The following THADA variants were observed in gnomAD, a reference collection of about 807,000 sequenced individuals.
THADA encodes THADA armadillo repeat containing.
In THADA, 213 loss-of-function variants were observed where a neutral mutation model predicts 219.8. The observed-to-expected ratio is 0.97, with a 90% CI of 0.87 to 1.09. The LOEUF (loss-of-function observed/expected upper bound fraction) is 1.09, where lower values mean the gene tolerates loss of function less well. THADA is among the 50% of genes least tolerant of loss of function. THADA has a pLI of 0.00. For synonymous variants in THADA, 1,018 were observed against 828.9 expected (o/e 1.23, Z -3.92); for missense variants, 2,956 against 2,311.3 (o/e 1.28, Z -5.72).
intron 36 of THADA, among the ~76,000 whole-genome samples, chr2:43,237,286 T>C (rs1668141729): frequency 6.6e-6 from 1 of 151,954 alleles, no homozygotes; most frequent in Admixed American, 6.6e-5. Flanking sequence ...CTGGGACAAC[T>C]GGATACACAC....
At chr2:43,459,618 C>T (rs1683398237) in intron 26 of THADA, among the ~76,000 whole-genome samples, 1 of 152,148 alleles carries the variant, frequency 6.6e-6, no homozygotes, top group Admixed American at 6.5e-5. Context: ...GAACCTAGTA[C>T]AATGCCTGGG....
At chr2:43,362,012 G>T (rs2104591461) in intron 29 of THADA, among the ~76,000 whole-genome samples, 1 of 152,290 alleles carries the variant, frequency 6.6e-6, no homozygotes, top group Admixed American at 6.5e-5. Context: ...CTTTTGGACT[G>T]CTCTGAGAGA....
chr2:43,547,483 C>T (rs1696182859), intron 20 of THADA, among the ~76,000 whole-genome samples: 2 of 152,214 alleles, frequency 1.3e-5, no homozygotes, highest in African/African-American at 2.4e-5. Flanking sequence ...TTCCATTCTC[C>T]CTGTCACTTT....
Position 43,590,971 on chromosome 2 carries a change from T to A in THADA, c.172-17A>T, listed in dbSNP as rs746437966. The stretch of plus-strand genomic sequence containing the variant: ...AGGCACAATCTATAATACAAAACAT[T>A]GAAGTAATTTTTATAATATCAAATA... On this transcript the variant is annotated splice_polypyrimidine_tract_variant and intron_variant, in intron 3 of 37. Transcript: ENST00000405975. The A allele has an allele frequency of 6.2e-7, 1 of 1,601,118 alleles. No homozygotes were observed.
chr2:43,594,160 C>A (rs1701894344), intron 1 of THADA, among the ~76,000 whole-genome samples: 1 of 152,152 alleles, frequency 6.6e-6, no homozygotes. Flanking sequence ...TCTACACTTA[C>A]CTCCAAAGAG....
chr2:43,245,172 C>CTTCTTCTTTTTTTTTTTTT (rs796699945), intron 36 of THADA, among the ~76,000 whole-genome samples: 1 of 103,144 alleles, frequency 9.7e-6, no homozygotes, highest in African/African-American at 5.0e-5. Context: ...CTTTCTTCTT[C>CTTCTTCTTTTTTTTTTTTT]TTTTTTTTTT....
At chr2:43,542,035 T>C (rs1314068807) in intron 20 of THADA, among the ~76,000 whole-genome samples, 1 of 152,218 alleles carries the variant, frequency 6.6e-6, no homozygotes. Flanking sequence ...TCTTTCAAAA[T>C]ATATTTAATT....
intron 29 of THADA, among the ~76,000 whole-genome samples, chr2:43,355,146 C>CTTA (rs1425595756): frequency 6.6e-6 from 1 of 152,024 alleles, no homozygotes; most frequent in East Asian, 1.9e-4. Context: ...ACACTTAGGC[C>CTTA]TTAGGTTGAT....
At chr2:43,249,838 G>C (rs1037518391) in intron 36 of THADA, among the ~76,000 whole-genome samples, 8 of 152,050 alleles carry the variant, frequency 5.3e-5, no homozygotes, top group African/African-American at 1.7e-4. Flanking sequence ...GCATCTCTGT[G>C]GTGACCATAC....
chr2:43,448,982 C>A (rs922095201), intron 26 of THADA, among the ~76,000 whole-genome samples: 2 of 152,090 alleles, frequency 1.3e-5, no homozygotes, highest in African/African-American at 4.8e-5. Context: ...GGGAACCCAA[C>A]AGGAACTGGC....
At chr2:43,441,871 A>T (rs1375114011) in intron 26 of THADA, among the ~76,000 whole-genome samples, 1 of 152,092 alleles carries the variant, frequency 6.6e-6, no homozygotes, top group Non-Finnish European at 1.5e-5. Flanking sequence ...ATGTGATCGT[A>T]TTTTTTTCAC....
At chr2:43,521,796 G>C (rs903521121) in intron 22 of THADA, among the ~76,000 whole-genome samples, 1 of 152,180 alleles carries the variant, frequency 6.6e-6, no homozygotes, top group Non-Finnish European at 1.5e-5. Context: ...AAAACCCGCA[G>C]ACTAAAATCA....
intron 22 of THADA, among the ~76,000 whole-genome samples, chr2:43,522,016 T>C (rs1183746020): frequency 1.3e-5 from 2 of 152,226 alleles, no homozygotes; most frequent in African/African-American, 4.8e-5. Flanking sequence ...GATTTATTTT[T>C]TCTAACTTAG....
At chr2:43,284,160 C>T (rs1673702680) in intron 35 of THADA, among the ~76,000 whole-genome samples, 1 of 152,082 alleles carries the variant, frequency 6.6e-6, no homozygotes, top group Non-Finnish European at 1.5e-5. Context: ...GCCTGGAAAA[C>T]AAGAGTGAAA....
intron 36 of THADA, among the ~76,000 whole-genome samples, chr2:43,250,027 G>A (rs1000364447): frequency 2.6e-5 from 4 of 152,148 alleles, no homozygotes; most frequent in African/African-American, 7.2e-5. Context: ...GAATTACCAT[G>A]TGACCCACAA....
At chr2:43,336,937 T>G (rs1348317294) in intron 30 of THADA, among the ~76,000 whole-genome samples, 1 of 152,252 alleles carries the variant, frequency 6.6e-6, no homozygotes, top group Non-Finnish European at 1.5e-5. Context: ...GACTTAGCTC[T>G]GGCCCATTGT....
chr2:43,277,642 T>C (rs1672868148), intron 36 of THADA, among the ~76,000 whole-genome samples: 1 of 152,232 alleles, frequency 6.6e-6, no homozygotes, highest in African/African-American at 2.4e-5. Flanking sequence ...GTTGTATTTC[T>C]TTCTTCGAGG....
At chr2:43,284,366 C>T (rs1347148263) in intron 35 of THADA, among the ~76,000 whole-genome samples, 1 of 152,108 alleles carries the variant, frequency 6.6e-6, no homozygotes, top group Non-Finnish European at 1.5e-5. Context: ...ACGCTGTGTC[C>T]CAGCTGCTCT....
chr2:43,256,476 A>T (rs1234848833), intron 36 of THADA, among the ~76,000 whole-genome samples: 1 of 152,002 alleles, frequency 6.6e-6, no homozygotes, highest in African/African-American at 2.4e-5. Context: ...GGGCATGATC[A>T]CGGCTCACTG....
Sources: gnomAD v4.1 joint callset for allele counts (sites outside exome capture counted in the v4.1 genomes callset) on GRCh38, gnomAD v4.1.1 for gene constraint, MANE v1.5 for transcripts, NCBI Gene and HGNC (gene_info 2026-07-23, HGNC 2026-07-21) for gene names.